The following SEMA3D variants were observed in gnomAD, a reference collection of about 807,000 sequenced individuals.
The protein encoded by SEMA3D is semaphorin-3D.
Under a neutral mutation model 100.1 loss-of-function variants are expected in SEMA3D, and 84 were observed. That is an observed-to-expected ratio of 0.84 (90% CI 0.70 to 1.01). The LOEUF (loss-of-function observed/expected upper bound fraction) is 1.01, where lower values mean the gene tolerates loss of function less well. Among genes scored for constraint, SEMA3D ranks in the 50% least tolerant of loss-of-function variants. The pLI, the probability that SEMA3D is intolerant of heterozygous loss-of-function variation, is 0.00. For synonymous variants in SEMA3D, 312 were observed against 320.7 expected, an observed-to-expected ratio of 0.97 and a Z score of 0.29; for missense variants, 875 against 934.1, an observed-to-expected ratio of 0.94 and a Z score of 0.82.
intron 14 of SEMA3D, among the ~76,000 whole-genome samples, chr7:85,019,018 AAAAAAAATTTCAGTGAGAAAGTTCTATC>A (rs1790181998): frequency 7.5e-6 from 1 of 133,420 alleles, no homozygotes; most frequent in Non-Finnish European, 1.5e-5. Flanking sequence ...GAAATATATG[AAAAAAAATTTCAGTGAGAAAGTTCTATC>A]AAATAGCATT....
intron 3 of SEMA3D, among the ~76,000 whole-genome samples, chr7:85,099,484 A>G (rs1431403007): frequency 2.0e-5 from 3 of 151,918 alleles, no homozygotes; most frequent in East Asian, 3.9e-4. Flanking sequence ...AATCTCAGGT[A>G]TGTCTTTATC....
chr7:85,069,298 A>G (rs1791708628), intron 6 of SEMA3D, among the ~76,000 whole-genome samples: 1 of 152,216 alleles, frequency 6.6e-6, no homozygotes, highest in Non-Finnish European at 1.5e-5. Context: ...TCTTTTGAAC[A>G]AGACCAATAG....
rs776327910 is a variant in SEMA3D at position 85,065,506 on chromosome 7, A to G, written c.636T>C (p.Asp212=). Residue 212 remains aspartate (D), a synonymous_variant, in exon 8 of 19, where the codon GAT becomes GAC. Coordinates refer to ENST00000284136, the MANE Select transcript of SEMA3D (RefSeq NM_001384900.1). ...SGTASDFLGK[D]TAFTRSLGPT... is the part of the protein sequence containing the mutation. The stretch of plus-strand genomic sequence containing the variant: ...GCCCAAGGGATCGAGTGAATGCAGT[A>G]TCTTTGCCAAGGAAATCAGAAGCTG... The G allele has an allele frequency of 6.2e-6, 10 of 1,613,004 alleles. No individual in the cohort carries two copies. The highest frequency in any genetic ancestry group is 5.0e-5 in the Admixed American group (3 of 59,960).
chr7:85,184,004 C>T (rs1791471231), intron 1 of SEMA3D, among the ~76,000 whole-genome samples: 1 of 151,664 alleles, frequency 6.6e-6, no homozygotes, highest in Non-Finnish European at 1.5e-5. Flanking sequence ...CCTTTACGGA[C>T]ATTGTTAAAG....
intron 10 of SEMA3D, 52 bp from the exon 11 acceptor site, chr7:85,040,794 C>T: frequency 1.2e-6 from 1 of 849,782 alleles, no homozygotes; most frequent in Non-Finnish European, 2.0e-6. Context: ...TATTACATTG[C>T]TTTTTTGTTA....
At position 85,036,997 on chromosome 7, in the gene SEMA3D, G is replaced by A. The variant is rs748682223; in HGVS notation, c.1083C>T (p.Ser361=). The A allele has an allele frequency of 2.5e-6, 4 of 1,613,192 alleles. No individual in the cohort carries two copies. Among genetic ancestry groups the A allele is most frequent in the East Asian group, 4.5e-5 (2 of 44,824 alleles). ...TAAAAACTGCTCTGATGTCAGCCATGCTATACACACAAACAGCAGAGCCTT... is the reference window on the plus strand; with the variant it reads ...TAAAAACTGCTCTGATGTCAGCCATACTATACACACAAACAGCAGAGCCTT... The part of the protein sequence containing the change: ...IFKGSAVCVY[S]MADIRAVFNG... The change falls in exon 12 of 19, where the codon AGC becomes AGT. Residue 361 remains serine (S), a synonymous_variant. Coordinates refer to ENST00000284136, the MANE Select transcript of SEMA3D (RefSeq NM_001384900.1).
chr7:85,221,451 T>C, the SEMA3D span, among the ~76,000 whole-genome samples: 2 of 152,078 alleles, frequency 1.3e-5, no homozygotes, highest in Non-Finnish European at 2.9e-5. Context: ...CAAATCCATA[T>C]ATTCTTTTCT....
chr7:85,168,865 G>GA (rs745845211), intron 1 of SEMA3D, among the ~76,000 whole-genome samples: 1 of 130,834 alleles, frequency 7.6e-6, no homozygotes, highest in Non-Finnish European at 1.7e-5. Context: ...AAGAAAGAAA[G>GA]AAAGAAAGAA....
intron 6 of SEMA3D, among the ~76,000 whole-genome samples, chr7:85,070,785 T>A (rs912939989): frequency 5.1e-4 from 74 of 146,298 alleles, no homozygotes; most frequent in African/African-American, 1.6e-3. Context: ...TTGTGACTTT[T>A]TTTTGTTGTT....
chr7:85,064,654 T>C (rs61398576), intron 8 of SEMA3D, among the ~76,000 whole-genome samples: 4,893 of 152,188 alleles, frequency 0.032, 273 homozygotes, highest in African/African-American at 0.11. Context: ...TAAATTACAG[T>C]GTTATGTCAT....
chr7:85,008,692 C>T (rs1789869119), intron 17 of SEMA3D, among the ~76,000 whole-genome samples: 1 of 151,644 alleles, frequency 6.6e-6, no homozygotes, highest in Non-Finnish European at 1.5e-5. Flanking sequence ...ACACAACACA[C>T]AGTTTATGTG....
chr7:85,115,901 A>G (rs182967723), intron 3 of SEMA3D, among the ~76,000 whole-genome samples: 2 of 152,120 alleles, frequency 1.3e-5, no homozygotes, highest in Admixed American at 6.6e-5. Context: ...TACCAAAAAA[A>G]TTTTCCAACT....
intron 2 of SEMA3D, among the ~76,000 whole-genome samples, chr7:85,126,577 A>G (rs1219031781): frequency 2.0e-5 from 3 of 152,118 alleles, no homozygotes; most frequent in African/African-American, 7.2e-5. Context: ...AAATATGCCT[A>G]TCTCAGCATT....
chr7:85,080,933 G>T (rs1382438879), intron 5 of SEMA3D, among the ~76,000 whole-genome samples: 1 of 152,134 alleles, frequency 6.6e-6, no homozygotes, highest in Non-Finnish European at 1.5e-5. Flanking sequence ...TGTCTTTTAT[G>T]AGTTATTTTA....
At chr7:85,067,292 TG>T (rs1385053669) in intron 7 of SEMA3D, among the ~76,000 whole-genome samples, 1 of 152,176 alleles carries the variant, frequency 6.6e-6, no homozygotes, top group African/African-American at 2.4e-5. Flanking sequence ...TGTTTTGTTT[TG>T]TTTTTTTATT....
the SEMA3D span, among the ~76,000 whole-genome samples, chr7:85,231,513 C>T: frequency 2.3e-5 from 3 of 131,036 alleles, no homozygotes; most frequent in Admixed American, 9.5e-5. Flanking sequence ...AGTAGTGGGG[C>T]GATCTCGGCT....
intron 18 of SEMA3D, among the ~76,000 whole-genome samples, chr7:85,005,001 G>GTT (rs2115733712): frequency 6.6e-6 from 1 of 151,804 alleles, no homozygotes; most frequent in Non-Finnish European, 1.5e-5. Context: ...AATGAAAGAT[G>GTT]TGAGTGCAAA....
At chr7:85,156,406 G>A (rs1790599048) in intron 1 of SEMA3D, among the ~76,000 whole-genome samples, 1 of 152,028 alleles carries the variant, frequency 6.6e-6, no homozygotes, top group Non-Finnish European at 1.5e-5. Flanking sequence ...GGCCACAAGT[G>A]ATTCTTAAGA....
chr7:85,117,077 T>C (rs1453992999), intron 3 of SEMA3D, among the ~76,000 whole-genome samples: 1 of 152,172 alleles, frequency 6.6e-6, no homozygotes, highest in East Asian at 1.9e-4. Context: ...TAGAATACTC[T>C]GGAACTAATA....
Sources: allele counts gnomAD v4.1 joint callset (sites outside exome capture counted in the v4.1 genomes callset), GRCh38; gene constraint gnomAD v4.1.1; transcripts MANE v1.5; gene names NCBI Gene and HGNC (gene_info 2026-07-23, HGNC 2026-07-21).